LAMB1: variants seen among roughly 807,000 people sequenced by gnomAD.
The protein encoded by LAMB1 is laminin subunit beta-1.
In LAMB1, 121 loss-of-function variants were observed where a neutral mutation model predicts 222.3. That is an observed-to-expected ratio of 0.54 (90% CI 0.47 to 0.63). LAMB1 has a LOEUF of 0.63. Ranked by LOEUF, LAMB1 falls within the 30% of genes least tolerant of loss-of-function variation. LAMB1 has a pLI of 0.00. For missense variants in LAMB1, 2,172 were observed against 2,240.8 expected, an observed-to-expected ratio of 0.97 and a Z score of 0.62; for synonymous variants, 794 against 807.2, an observed-to-expected ratio of 0.98 and a Z score of 0.28.
At chr7:107,935,046 G>A (rs1362823839) in intron 27 of LAMB1, among the ~76,000 whole-genome samples, 2 of 151,988 alleles carry the variant, frequency 1.3e-5, no homozygotes, top group East Asian at 3.8e-4. Context: ...GTGAGACCCT[G>A]TCTCTACTTA....
chr7:108,002,818 C>G (rs775461245), intron 2 of LAMB1, 31 bp downstream of exon 2: 2 of 1,613,936 alleles, frequency 1.2e-6, no homozygotes, highest in South Asian at 2.2e-5. Flanking sequence ...CCAAGTCCGT[C>G]CGCCTCCCCG....
intron 24 of LAMB1, 173 bp from the exon 25 acceptor site, chr7:107,940,531 C>G: frequency 1.6e-6 from 1 of 630,612 alleles, no homozygotes; most frequent in Non-Finnish European, 2.7e-6. Context: ...ACATGCGTGA[C>G]TTCAGTGGTT....
In LAMB1 at chr7:107,959,252, TCA is replaced by T; in HGVS notation, c.2685_2686del (p.Cys895Ter). ...CTTACTTTCAGCATCTGCATACCTT[TCA>T]CAGTTATGACCCATGGTGTAGTCCT... On this transcript the variant is annotated stop_gained and frameshift_variant, in exon 20 of 34. Coordinates refer to ENST00000222399, the MANE Select transcript of LAMB1 (RefSeq NM_002291.3). LOFTEE classifies it high-confidence loss of function. 1.2e-6 allele frequency: 2 copies of T among 1,611,156 alleles called. No individual in the cohort carries two copies. The highest frequency in any genetic ancestry group is 1.7e-6 in the Non-Finnish European group (2 of 1,177,504).
chr7:108,002,003 G>A, intron 2 of LAMB1: 2 of 1,442,832 alleles, frequency 1.4e-6, no homozygotes, highest in Non-Finnish European at 1.8e-6. Flanking sequence ...ACCCACCGAC[G>A]CTCGCGCCCA....
At chr7:107,987,854 C>T (rs1483940965) in intron 5 of LAMB1, among the ~76,000 whole-genome samples, 4 of 152,208 alleles carry the variant, frequency 2.6e-5, no homozygotes, top group South Asian at 2.1e-4. Context: ...TGGGTGGAGG[C>T]GGCTGCACGT....
At chr7:107,977,084 C>T (rs1163250762) in intron 9 of LAMB1, among the ~76,000 whole-genome samples, 1 of 151,096 alleles carries the variant, frequency 6.6e-6, no homozygotes, top group Admixed American at 6.6e-5. Flanking sequence ...CCTCTCTCTC[C>T]TTCCTTCCTT....
chr7:107,930,917 T>C (rs1284421229), intron 29 of LAMB1, among the ~76,000 whole-genome samples: 2 of 152,200 alleles, frequency 1.3e-5, no homozygotes, highest in Non-Finnish European at 2.9e-5. Context: ...TTCTGTAATT[T>C]GCAGCCAAAA....
intron 27 of LAMB1, 49 bp from the exon 28 acceptor site, chr7:107,932,426 T>C: frequency 6.3e-7 from 1 of 1,592,224 alleles, no homozygotes; most frequent in Non-Finnish European, 8.6e-7. Flanking sequence ...GTGAATCTGC[T>C]GCAGCAAAAC....
rs371053901 is a variant in LAMB1 at position 107,939,186 on chromosome 7, T to C, written c.3761+803A>G. ...TTTGTCCTTTAGCACTTAGGTCTTA[T>C]TGTGCTGTTTTGGGGGTTCCTTTTT... On this transcript the variant is annotated intron_variant, in intron 25 of 33. Coordinates refer to ENST00000222399, the MANE Select transcript of LAMB1 (RefSeq NM_002291.3). Among the ~76,000 whole-genome samples the C allele has an allele frequency of 3.9e-5, 6 of 152,230 alleles. No individual in the cohort carries two copies. In the East Asian group the frequency reaches 5.8e-4, roughly 15 times the overall value.
At chr7:107,957,173 T>G (rs1171192499) in intron 20 of LAMB1, among the ~76,000 whole-genome samples, 2 of 152,198 alleles carry the variant, frequency 1.3e-5, no homozygotes, top group Non-Finnish European at 2.9e-5. Flanking sequence ...GTGGATCACC[T>G]GAGGTTGGGA....
chr7:107,983,920 G>T (rs867446305), intron 7 of LAMB1, among the ~76,000 whole-genome samples: 3 of 152,232 alleles, frequency 2.0e-5, no homozygotes, highest in African/African-American at 7.2e-5. Flanking sequence ...ACTGAGCACC[G>T]TAACATATGG....
At chr7:107,975,600 C>T in intron 10 of LAMB1, 89 bp downstream of exon 10, 2 of 1,360,458 alleles carry the variant, frequency 1.5e-6, no homozygotes, top group Non-Finnish European at 2.0e-6. Context: ...CTTTACTGCT[C>T]ATACTATGAG....
chr7:107,925,035 TTG>T (rs1402454491), intron 32 of LAMB1, among the ~76,000 whole-genome samples: 2 of 152,138 alleles, frequency 1.3e-5, no homozygotes, highest in Non-Finnish European at 2.9e-5. Flanking sequence ...CTTGAGAAAT[TTG>T]TGTCCTCAGT....
chr7:107,947,844 G>A lies in LAMB1; in HGVS notation c.3391+3382C>T, dbSNP rs1336150881. ...TGCCTATAGCAATGACCCCATTATG[G>A]TGATGACCCAAAATACTCCCCTCCT... On this transcript the variant is annotated intron_variant, in intron 24 of 33. Transcript: ENST00000222399. Among the ~76,000 whole-genome samples, 7 of 152,140 alleles carry A rather than the reference G, an allele frequency of 4.6e-5. No individual in the cohort carries two copies. In the East Asian group the frequency reaches 1.2e-3, roughly 25 times the overall value.
In LAMB1 at chr7:107,959,781, C is replaced by G; in HGVS notation, c.2368G>C (p.Gly790Arg). Residue 790 changes from glycine to arginine, a missense_variant, in exon 19 of 34, where the codon GGC (glycine) becomes CGC (arginine). Coordinates refer to ENST00000222399, the MANE Select transcript of LAMB1 (RefSeq NM_002291.3). Reference protein sequence around the residue: ...SLSSVCDPNGGQCQCRPNVVG... With the variant: ...SLSSVCDPNGRQCQCRPNVVG... ...ACGTTGGGCCGGCACTGGCACTGGCCTCCGTTGGGATCACACACGGAACTT... is the reference window on the plus strand; with the variant it reads ...ACGTTGGGCCGGCACTGGCACTGGCGTCCGTTGGGATCACACACGGAACTT... 1 of 1,614,104 alleles carries G rather than the reference C, an allele frequency of 6.2e-7. No individual in the cohort carries two copies. The highest frequency in any genetic ancestry group is 8.5e-7 in the Non-Finnish European group (1 of 1,179,994).
intron 28 of LAMB1, 64 bp downstream of exon 28, chr7:107,932,110 A>C: frequency 2.9e-6 from 4 of 1,392,860 alleles, no homozygotes; most frequent in Non-Finnish European, 4.1e-6. Context: ...TCCCTTTCAG[A>C]TCCTTTAGTC....
At chr7:107,932,731 T>TAA (rs34341036) in intron 27 of LAMB1, 19 of 260,028 alleles carry the variant, frequency 7.3e-5, no homozygotes, top group African/African-American at 2.6e-4. Flanking sequence ...AGTTAGAGTT[T>TAA]AAAAAAAAAA....
chr7:107,990,646 C>T (rs2034164697), intron 5 of LAMB1, among the ~76,000 whole-genome samples: 1 of 149,668 alleles, frequency 6.7e-6, no homozygotes, highest in East Asian at 1.9e-4. Flanking sequence ...TGATTCAGCC[C>T]TTTCCTTCCA....
Position 107,932,317 on chromosome 7 carries a change from T to C in LAMB1, c.4249A>G (p.Arg1417Gly). ...SETECGGPNC[R>G]TDEGERKCGG... ...CACTTCCTCTCTCCTTCGTCAGTTC[T>C]GCAGTTTGGCCCGCCACATTCAGTC... The change falls in exon 28 of 34, where the codon AGA becomes GGA. Residue 1417 changes from arginine (R) to glycine (G), a missense_variant. Physicochemically the swap from Arg to Gly is moderately radical, Grantham distance 125. Coordinates refer to ENST00000222399, the MANE Select transcript of LAMB1 (RefSeq NM_002291.3). 6.2e-7 allele frequency: 1 copy of C among 1,614,214 alleles called. No homozygotes were observed. The highest frequency in any genetic ancestry group is 8.5e-7 in the Non-Finnish European group (1 of 1,180,036).
Sources: allele counts gnomAD v4.1 joint callset (sites outside exome capture counted in the v4.1 genomes callset), GRCh38; gene constraint gnomAD v4.1.1; transcripts MANE v1.5; gene names NCBI Gene and HGNC (gene_info 2026-07-23, HGNC 2026-07-21).